Variants in SLC25A21 observed in about 807,000 individuals in gnomAD.
The protein encoded by SLC25A21 is mitochondrial 2-oxodicarboxylate carrier.
In SLC25A21, 47 loss-of-function variants were observed where a neutral mutation model predicts 43.8. The observed-to-expected ratio is 1.07, with a 90% confidence interval of 0.85 to 1.37. SLC25A21 has a LOEUF of 1.37. Ranked by LOEUF, SLC25A21 falls within the 40% of genes most tolerant of loss-of-function variation. The pLI, the probability that SLC25A21 is intolerant of heterozygous loss-of-function variation, is 0.00. For synonymous variants in SLC25A21, 131 were observed against 121.3 expected (o/e 1.08, Z -0.52); for missense variants, 352 against 350.2 (o/e 1.00, Z -0.04).
intron 1 of SLC25A21, among the ~76,000 whole-genome samples, chr14:37,010,249 C>T (rs1960701464): frequency 6.6e-6 from 1 of 152,236 alleles, no homozygotes; most frequent in African/African-American, 2.4e-5. Context: ...TTGTGTGCTT[C>T]AGTCCATGAC....
intron 7 of SLC25A21, among the ~76,000 whole-genome samples, chr14:36,687,748 C>G (rs1224612113): frequency 1.3e-5 from 2 of 152,164 alleles, no homozygotes; most frequent in African/African-American, 4.8e-5. Context: ...TCTCAGATGC[C>G]TCTCCCGTTC....
At chr14:37,062,184 G>A (rs949354074) in intron 1 of SLC25A21, among the ~76,000 whole-genome samples, 5 of 152,190 alleles carry the variant, frequency 3.3e-5, no homozygotes, top group African/African-American at 1.2e-4. Flanking sequence ...TATGGATTAA[G>A]CAAATCCAAT....
intron 1 of SLC25A21, among the ~76,000 whole-genome samples, chr14:36,978,806 T>G (rs1303052393): frequency 6.6e-6 from 1 of 152,184 alleles, no homozygotes; most frequent in African/African-American, 2.4e-5. Flanking sequence ...TCTCAGTACC[T>G]AAGCCATTCA....
intron 7 of SLC25A21, among the ~76,000 whole-genome samples, chr14:36,704,667 A>G (rs944351661): frequency 6.6e-6 from 1 of 151,772 alleles, no homozygotes; most frequent in African/African-American, 2.4e-5. Flanking sequence ...AAAAAAAAAA[A>G]AAAACAAAAA....
chr14:37,144,705 T>C (rs1963629309), intron 1 of SLC25A21, among the ~76,000 whole-genome samples: 1 of 152,200 alleles, frequency 6.6e-6, no homozygotes, highest in Non-Finnish European at 1.5e-5. Flanking sequence ...TAGTTTATAT[T>C]ATAAAAGTAG....
chr14:36,754,867 A>C (rs945767228), intron 3 of SLC25A21, among the ~76,000 whole-genome samples: 10 of 152,230 alleles, frequency 6.6e-5, no homozygotes, highest in Non-Finnish European at 1.5e-5. Context: ...TTTCACTGCC[A>C]GTAGCAAAAT....
At chr14:36,771,786 T>C (rs1886629656) in intron 3 of SLC25A21, among the ~76,000 whole-genome samples, 1 of 152,136 alleles carries the variant, frequency 6.6e-6, no homozygotes, top group African/African-American at 2.4e-5. Context: ...TCCATCATTT[T>C]ATTAAAAGGG....
chr14:36,979,977 T>G (rs530293648), intron 1 of SLC25A21, among the ~76,000 whole-genome samples: 24 of 152,322 alleles, frequency 1.6e-4, no homozygotes, highest in African/African-American at 5.8e-4. Context: ...CCTAGTCCAG[T>G]GCCTAGTCCC....
Position 36,715,496 on chromosome 14 carries a change from G to A in SLC25A21, c.439-4014C>T, listed in dbSNP as rs540004792. 7.2e-5 allele frequency among the ~76,000 whole-genome samples: 11 copies of A among 152,246 alleles called. No homozygotes were observed. The South Asian group carries it at 2.3e-3, about 32-fold the overall frequency. ...ATTCCAATACTATCTAATCCAGCAG[G>A]TCACCCACTAGCTCAGTTTCCTTGT... is the stretch of plus-strand genomic sequence containing the variant. On this transcript the variant is annotated intron_variant, in intron 6 of 9. Coordinates refer to ENST00000331299, the MANE Select transcript of SLC25A21 (RefSeq NM_030631.4).
intron 1 of SLC25A21, among the ~76,000 whole-genome samples, chr14:37,103,774 C>T (rs190845850): frequency 6.6e-6 from 1 of 152,206 alleles, no homozygotes; most frequent in East Asian, 1.9e-4. Flanking sequence ...TCATGGCACA[C>T]AACAGACAGA....
At position 37,014,225 on chromosome 14, in the gene SLC25A21, T is replaced by C. The variant is rs116387394; in HGVS notation, c.71-139221A>G. On this transcript the variant is annotated intron_variant, in intron 1 of 9. Coordinates refer to ENST00000331299, the MANE Select transcript of SLC25A21 (RefSeq NM_030631.4). ...CTTCCTTTCACAAAAGATTTTTCTATAGATTTTTCTATTTTCTAATGCCTT... is the reference window on the plus strand; with the variant it reads ...CTTCCTTTCACAAAAGATTTTTCTACAGATTTTTCTATTTTCTAATGCCTT... Among the ~76,000 whole-genome samples, 233 of 152,258 alleles carry C rather than the reference T, an allele frequency of 1.5e-3. 2 individuals carry two copies. Among genetic ancestry groups the C allele is most frequent in the African/African-American group, 5.5e-3 (229 of 41,552 alleles).
intron 7 of SLC25A21, among the ~76,000 whole-genome samples, chr14:36,706,356 C>T (rs1353578880): frequency 6.6e-6 from 1 of 152,156 alleles, no homozygotes; most frequent in Non-Finnish European, 1.5e-5. Context: ...TTTACAGATT[C>T]CAAAAACTGA....
At position 36,680,537 on chromosome 14, in the gene SLC25A21, T is replaced by C; in HGVS notation, c.*121A>G. 1 of 1,377,702 alleles carries C rather than the reference T, an allele frequency of 7.3e-7. No homozygotes were observed. Among genetic ancestry groups the C allele is most frequent in the Non-Finnish European group, 9.4e-7 (1 of 1,062,192 alleles). The allele number at this position is 1,377,702 out of a possible 1,614,324, so 85.3% of individuals were successfully genotyped here. ...ATTTTTTAAAGTATTAAAATAGATT[T>C]TGTTCTTGAACAGTTTTCTCCTTCA... is the stretch of plus-strand genomic sequence containing the variant. On this transcript the variant is annotated 3_prime_UTR_variant, in exon 10 of 10. Coordinates refer to ENST00000331299, the MANE Select transcript of SLC25A21 (RefSeq NM_030631.4).
intron 1 of SLC25A21, among the ~76,000 whole-genome samples, chr14:37,136,769 T>C (rs1963487540): frequency 6.6e-6 from 1 of 152,130 alleles, no homozygotes; most frequent in Non-Finnish European, 1.5e-5. Flanking sequence ...TGGGAAACCA[T>C]AAATGTATAT....
chr14:36,682,189 T>G (rs1274735840), intron 9 of SLC25A21, among the ~76,000 whole-genome samples: 1 of 151,810 alleles, frequency 6.6e-6, no homozygotes, highest in Non-Finnish European at 1.5e-5. Context: ...TTTCTCTCTC[T>G]CTCATTCTTT....
At chr14:37,068,667 T>A (rs1254157060) in intron 1 of SLC25A21, among the ~76,000 whole-genome samples, 1 of 152,242 alleles carries the variant, frequency 6.6e-6, no homozygotes, top group Non-Finnish European at 1.5e-5. Context: ...GTGCAAATTC[T>A]TTGCTTACTT....
chr14:37,062,958 G>A (rs1961980504), intron 1 of SLC25A21, among the ~76,000 whole-genome samples: 1 of 152,088 alleles, frequency 6.6e-6, no homozygotes, highest in Non-Finnish European at 1.5e-5. Flanking sequence ...AGTTTTAATT[G>A]ACTCACCATT....
At chr14:36,818,650 T>C (rs1888531350) in intron 2 of SLC25A21, among the ~76,000 whole-genome samples, 1 of 152,226 alleles carries the variant, frequency 6.6e-6, no homozygotes, top group African/African-American at 2.4e-5. Flanking sequence ...GGTTGCAGTA[T>C]TTTGTTCCAT....
intron 1 of SLC25A21, among the ~76,000 whole-genome samples, chr14:36,979,231 A>AAAAACAAGC (rs1959954800): frequency 6.6e-6 from 1 of 152,070 alleles, no homozygotes; most frequent in South Asian, 2.1e-4. Context: ...TTGATAGCTT[A>AAAAACAAGC]TATTCCTATA....
Sources: gnomAD v4.1 joint callset for allele counts (sites outside exome capture counted in the v4.1 genomes callset) on GRCh38, gnomAD v4.1.1 for gene constraint, MANE v1.5 for transcripts, NCBI Gene and HGNC (gene_info 2026-07-23, HGNC 2026-07-21) for gene names.